Variants in MDGA2 observed in about 807,000 individuals in gnomAD.
The protein encoded by MDGA2 is MAM domain-containing glycosylphosphatidylinositol anchor protein 2.
Under a neutral mutation model 117.8 loss-of-function variants are expected in MDGA2, and 40 were observed. The observed-to-expected ratio is 0.34, with a 90% CI of 0.26 to 0.44. The LOEUF is 0.44. MDGA2 is among the 20% of genes least tolerant of loss of function. The pLI is 1.00. For synonymous variants in MDGA2, 452 were observed against 439.0 expected (o/e 1.03, Z -0.37); for missense variants, 1,123 against 1,250.6 (o/e 0.90, Z 1.54).
intron 1 of MDGA2, among the ~76,000 whole-genome samples, chr14:47,665,501 G>T (rs115652465): frequency 6.6e-6 from 1 of 152,156 alleles, no homozygotes. Context: ...GGCTGGAGCC[G>T]GCTCCCTCGG....
At chr14:47,564,930 T>C (rs1328176382) in intron 1 of MDGA2, among the ~76,000 whole-genome samples, 1 of 152,226 alleles carries the variant, frequency 6.6e-6, no homozygotes, top group African/African-American at 2.4e-5. Context: ...TATTTTGAAA[T>C]TCTTGTTGAG....
At chr14:46,987,101 C>T (rs375664996) in intron 8 of MDGA2, among the ~76,000 whole-genome samples, 271 of 152,122 alleles carry the variant, frequency 1.8e-3, no homozygotes, top group Non-Finnish European at 2.4e-3. Context: ...CACTAAAACA[C>T]GTAACATAGA....
chr14:47,439,818 AGTGT>A (rs3039634), intron 1 of MDGA2, among the ~76,000 whole-genome samples: 1 of 150,304 alleles, frequency 6.7e-6, no homozygotes, highest in African/African-American at 2.4e-5. Context: ...TCACTAAGGG[AGTGT>A]GTGTGTGTGT....
intron 2 of MDGA2, among the ~76,000 whole-genome samples, chr14:47,287,410 T>A (rs72682105): frequency 0.091 from 13,853 of 152,186 alleles, 781 homozygotes; most frequent in Non-Finnish European, 0.11. Flanking sequence ...TATTAATATT[T>A]TATCAACAAA....
At chr14:47,394,361 A>G (rs2138444685) in intron 1 of MDGA2, among the ~76,000 whole-genome samples, 1 of 152,316 alleles carries the variant, frequency 6.6e-6, no homozygotes, top group African/African-American at 2.4e-5. Flanking sequence ...TAAATCAGCA[A>G]GAAGGCATCT....
At chr14:47,088,400 C>T (rs1313968554) in intron 6 of MDGA2, among the ~76,000 whole-genome samples, 4 of 152,236 alleles carry the variant, frequency 2.6e-5, no homozygotes, top group South Asian at 4.1e-4. Context: ...CTGCACACAG[C>T]AGACAGTTCT....
At chr14:46,897,912 A>G (rs1883143607) in intron 10 of MDGA2, among the ~76,000 whole-genome samples, 1 of 151,988 alleles carries the variant, frequency 6.6e-6, no homozygotes, top group African/African-American at 2.4e-5. Context: ...TATAAATGAT[A>G]GATAGATCCT....
At chr14:47,658,488 G>A (rs187456410) in intron 1 of MDGA2, among the ~76,000 whole-genome samples, 2 of 152,236 alleles carry the variant, frequency 1.3e-5, no homozygotes, top group Admixed American at 6.5e-5. Flanking sequence ...ACACGGTTCT[G>A]AGACCAGACA....
Position 47,454,402 on chromosome 14 carries a change from G to T in MDGA2, c.281-152852C>A, listed in dbSNP as rs188510774. On this transcript the variant is annotated intron_variant, in intron 1 of 16. Transcript: ENST00000399232. The stretch of plus-strand genomic sequence containing the variant: ...CATTCTGCCTTATAGGAAGAGGAAT[G>T]ACTGGGCCATGGTATATTTATAACC... Among the ~76,000 whole-genome samples the T allele has an allele frequency of 2.0e-5, 3 of 152,286 alleles. No individual in the cohort carries two copies. The East Asian group carries it at 5.8e-4, about 29-fold the overall frequency.
chr14:47,181,612 G>A (rs183251139), intron 3 of MDGA2, among the ~76,000 whole-genome samples: 1 of 151,824 alleles, frequency 6.6e-6, no homozygotes, highest in African/African-American at 2.4e-5. Flanking sequence ...TAGAAACAAG[G>A]GTTTACTACT....
At chr14:47,362,325 T>C (rs1891142861) in intron 1 of MDGA2, among the ~76,000 whole-genome samples, 2 of 152,122 alleles carry the variant, frequency 1.3e-5, no homozygotes, top group Admixed American at 1.3e-4. Context: ...AAAAATCAAA[T>C]AATTTTGAAG....
chr14:47,654,650 G>C (rs567054317), intron 1 of MDGA2, among the ~76,000 whole-genome samples: 9 of 152,108 alleles, frequency 5.9e-5, no homozygotes, highest in African/African-American at 2.2e-4. Context: ...GTTATGAAGA[G>C]ATCTCCACCT....
intron 1 of MDGA2, among the ~76,000 whole-genome samples, chr14:47,510,865 A>G (rs1282465042): frequency 6.6e-6 from 1 of 152,196 alleles, no homozygotes. Flanking sequence ...TCATTTACTC[A>G]GCCCAGAATG....
At chr14:47,622,618 C>G (rs541063627) in intron 1 of MDGA2, among the ~76,000 whole-genome samples, 2 of 151,526 alleles carry the variant, frequency 1.3e-5, no homozygotes, top group African/African-American at 2.4e-5. Flanking sequence ...TGGTGGGGGA[C>G]GAAAGCTGAT....
rs139070220 is a variant in MDGA2, at chr14:47,216,650, T to A, written c.595+1371A>T. Among the ~76,000 whole-genome samples the A allele has an allele frequency of 6.9e-3, 1,049 of 152,176 alleles. 13 individuals are homozygous for A. Among genetic ancestry groups the A allele is most frequent in the African/African-American group, 0.024 (1,014 of 41,522 alleles). On this transcript the variant is annotated intron_variant, in intron 3 of 16. Transcript: ENST00000399232. ...GTATTGAAGAGGTGTATTTTAAAAT[T>A]TCATGACCTAAACTACAATAACTAA...
chr14:47,091,171 CTTAGG>C (rs2138947998), intron 6 of MDGA2, among the ~76,000 whole-genome samples: 1 of 152,210 alleles, frequency 6.6e-6, no homozygotes, highest in African/African-American at 2.4e-5. Flanking sequence ...TTAATACTTA[CTTAGG>C]TTATCAAAGA....
At chr14:46,844,171 A>G (rs548952146) in intron 16 of MDGA2, among the ~76,000 whole-genome samples, 175 of 152,334 alleles carry the variant, frequency 1.1e-3, no homozygotes, top group African/African-American at 4.1e-3. Context: ...TAAAGTGAAA[A>G]TCAAATTATT....
chr14:47,016,356 G>GT (rs143913860), intron 8 of MDGA2, among the ~76,000 whole-genome samples: 21,908 of 151,908 alleles, frequency 0.14, 1,780 homozygotes, highest in South Asian at 0.27. Flanking sequence ...AAATAATGTA[G>GT]TATCAGTTAT....
chr14:46,952,025 G>C (rs1173302560), intron 9 of MDGA2, among the ~76,000 whole-genome samples: 1 of 151,642 alleles, frequency 6.6e-6, no homozygotes, highest in Non-Finnish European at 1.5e-5. Context: ...TCTGAAAAAG[G>C]GATACAATAG....
Sources: gnomAD v4.1 joint callset for allele counts (sites outside exome capture counted in the v4.1 genomes callset) on GRCh38, gnomAD v4.1.1 for gene constraint, MANE v1.5 for transcripts, NCBI Gene and HGNC (gene_info 2026-07-23, HGNC 2026-07-21) for gene names.